SLC12A6: variants seen among roughly 807,000 people sequenced by gnomAD.
SLC12A6 encodes solute carrier family 12 member 6, also known as K-Cl cotransporter 3.
SLC12A6 carries 66 observed loss-of-function variants against 135.3 expected under a neutral mutation model. The ratio of observed to expected loss-of-function variants is 0.49; its 90% CI spans 0.40 to 0.60. SLC12A6 has a LOEUF of 0.60. Ranked by LOEUF, SLC12A6 falls within the 20% of genes least tolerant of loss-of-function variation. SLC12A6 has a pLI of 0.00. For missense variants in SLC12A6, 1,058 were observed against 1,452.3 expected, an observed-to-expected ratio of 0.73 and a Z score of 4.41; for synonymous variants, 513 against 508.8, an observed-to-expected ratio of 1.01 and a Z score of -0.11.
At chr15:34,253,852 G>A (rs1892557920) in intron 9 of SLC12A6, among the ~76,000 whole-genome samples, 1 of 152,232 alleles carries the variant, frequency 6.6e-6, no homozygotes, top group South Asian at 2.1e-4. Flanking sequence ...GCACTAGGGA[G>A]TTGAAGGAGG....
At chr15:34,257,889 C>T in intron 5 of SLC12A6, 101 bp from the exon 6 acceptor site, 1 of 758,558 alleles carries the variant, frequency 1.3e-6, no homozygotes, top group South Asian at 1.5e-5. Flanking sequence ...TATTAACCTC[C>T]AAGCAGAAAT....
At chr15:34,292,042 G>A (rs1169976932) in intron 2 of SLC12A6, among the ~76,000 whole-genome samples, 1 of 152,096 alleles carries the variant, frequency 6.6e-6, no homozygotes, top group African/African-American at 2.4e-5. Flanking sequence ...GAGGAGTTGT[G>A]TTTCTTTGGA....
At chr15:34,259,361 T>C (rs1429798239) in intron 4 of SLC12A6, among the ~76,000 whole-genome samples, 1 of 143,350 alleles carries the variant, frequency 7.0e-6, no homozygotes, top group South Asian at 2.2e-4. Flanking sequence ...AAAAAATTGG[T>C]ACATTGAGTT....
At position 34,336,687 on chromosome 15, in the gene SLC12A6, C is replaced by T. The variant is rs1566881459; in HGVS notation, c.-7G>A. 2 of 1,613,888 alleles carry T rather than the reference C, an allele frequency of 1.2e-6. No homozygotes were observed. The highest frequency in any genetic ancestry group is 2.2e-5 in the South Asian group (2 of 91,066). On this transcript the variant is annotated 5_prime_UTR_variant, in exon 2 of 26. Transcript: ENST00000354181. ...TGGTTTCTGGAGGATGCATTTTGTT[C>T]TTTTTAAGAACAAAAAAAGTGGGGG... is the stretch of plus-strand genomic sequence containing the variant.
intron 2 of SLC12A6, chr15:34,318,702 C>T: frequency 6.2e-7 from 1 of 1,613,214 alleles, no homozygotes; most frequent in Non-Finnish European, 8.5e-7. Flanking sequence ...TAATACTTTG[C>T]TCTTTCTGTA....
At chr15:34,234,439 CT>C (rs1348834137) in intron 25 of SLC12A6, among the ~76,000 whole-genome samples, 1 of 152,006 alleles carries the variant, frequency 6.6e-6, no homozygotes, top group Non-Finnish European at 1.5e-5. Context: ...ATGGTGCGAT[CT>C]TGGCTCACTG....
intron 2 of SLC12A6, among the ~76,000 whole-genome samples, chr15:34,308,574 G>A (rs1235019608): frequency 2.8e-5 from 4 of 140,588 alleles, no homozygotes; most frequent in Non-Finnish European, 6.0e-5. Context: ...GCAGTGAGCC[G>A]AGACCACTCC....
At chr15:34,326,648 C>T (rs142041489) in intron 2 of SLC12A6, among the ~76,000 whole-genome samples, 2,102 of 151,226 alleles carry the variant, frequency 0.014, 16 homozygotes, top group Middle Eastern at 0.038. Context: ...TTTCTTTTTA[C>T]GAACATAGAA....
intron 10 of SLC12A6, 83 bp downstream of exon 10, chr15:34,252,087 T>C (rs915797961): frequency 1.1e-5 from 8 of 733,580 alleles, no homozygotes; most frequent in East Asian, 2.7e-5. Context: ...TGAATCTTTA[T>C]GGACAGTAGA....
intron 2 of SLC12A6, among the ~76,000 whole-genome samples, chr15:34,284,984 A>C (rs1180009137): frequency 2.6e-5 from 4 of 152,260 alleles, no homozygotes; most frequent in Admixed American, 6.5e-5. Context: ...CCGGATTATC[A>C]GACAGAATAA....
chr15:34,299,760 C>G (rs1198480982), intron 2 of SLC12A6: 3 of 152,082 alleles, frequency 2.0e-5, no homozygotes, highest in African/African-American at 7.2e-5. Flanking sequence ...GAGTAATAAA[C>G]AAGGAAGCTA....
intron 2 of SLC12A6, among the ~76,000 whole-genome samples, chr15:34,312,587 G>A (rs1888334991): frequency 6.6e-6 from 1 of 152,322 alleles, no homozygotes; most frequent in Admixed American, 6.5e-5. Context: ...AGTCAAGAAA[G>A]ACGTAAGGAA....
intron 2 of SLC12A6, among the ~76,000 whole-genome samples, chr15:34,317,571 CAGG>C (rs148204285): frequency 0.039 from 5,953 of 152,136 alleles, 216 homozygotes; most frequent in African/African-American, 0.098. Flanking sequence ...GGCGTGGTGG[CAGG>C]CATCTGTAAT....
chr15:34,291,314 C>A (rs375995043), intron 2 of SLC12A6, among the ~76,000 whole-genome samples: 1 of 152,228 alleles, frequency 6.6e-6, no homozygotes, highest in East Asian at 1.9e-4. Flanking sequence ...TTGGCTCCCA[C>A]TCTCTTCTGG....
chr15:34,241,561 G>T (rs1316957708), intron 17 of SLC12A6, among the ~76,000 whole-genome samples: 1 of 152,164 alleles, frequency 6.6e-6, no homozygotes, highest in African/African-American at 2.4e-5. Flanking sequence ...AATAAAGCCT[G>T]AAGGGGTCAC....
chr15:34,279,226 A>G (rs1292065890), intron 2 of SLC12A6, among the ~76,000 whole-genome samples: 1 of 152,014 alleles, frequency 6.6e-6, no homozygotes, highest in Non-Finnish European at 1.5e-5. Context: ...GAGGCAGAGA[A>G]TTGCTTGAAC....
intron 3 of SLC12A6, among the ~76,000 whole-genome samples, chr15:34,274,527 T>C (rs1894167160): frequency 6.6e-6 from 1 of 152,176 alleles, no homozygotes; most frequent in East Asian, 1.9e-4. Context: ...GTGAAATTCC[T>C]GTCAAGGCCG....
intron 2 of SLC12A6, among the ~76,000 whole-genome samples, chr15:34,305,602 A>G (rs988289493): frequency 1.3e-5 from 2 of 151,772 alleles, no homozygotes; most frequent in African/African-American, 4.8e-5. Context: ...TGGTGCTTAC[A>G]CTCTAGCAGA....
chr15:34,287,067 C>A (rs749650373), intron 2 of SLC12A6, among the ~76,000 whole-genome samples: 2 of 151,918 alleles, frequency 1.3e-5, no homozygotes, highest in South Asian at 2.1e-4. Context: ...CAGGTATACA[C>A]GTGCCATGGT....
Sources: allele counts gnomAD v4.1 joint callset (sites outside exome capture counted in the v4.1 genomes callset), GRCh38; gene constraint gnomAD v4.1.1; transcripts MANE v1.5; gene names NCBI Gene and HGNC (gene_info 2026-07-23, HGNC 2026-07-21).